The following CYP4F2 variants were observed in gnomAD, a reference collection of about 807,000 sequenced individuals.
CYP4F2 encodes the protein cytochrome P450 4F2.
CYP4F2 carries 58 observed loss-of-function variants against 58.9 expected under a neutral mutation model. That is an observed-to-expected ratio of 0.98 (90% confidence interval 0.80 to 1.23). The LOEUF (loss-of-function observed/expected upper bound fraction) is 1.23, where lower values mean the gene tolerates loss of function less well. CYP4F2 is among the 50% of genes most tolerant of loss of function. The pLI, the probability that CYP4F2 is intolerant of heterozygous loss-of-function variation, is 0.00. For synonymous variants in CYP4F2, 287 were observed against 261.1 expected (o/e 1.10, Z -0.95); for missense variants, 616 against 685.6 (o/e 0.90, Z 1.13).
intron 3 of CYP4F2, 90 bp from the exon 4 acceptor site, chr19:15,892,672 C>A (rs2089424081): frequency 6.5e-7 from 1 of 1,548,682 alleles, no homozygotes; most frequent in Non-Finnish European, 8.7e-7. Flanking sequence ...GAGGTTTGCA[C>A]TTCTCCCACT....
At chr19:15,881,438 T>C (rs2089343919) in intron 9 of CYP4F2, among the ~76,000 whole-genome samples, 1 of 152,034 alleles carries the variant, frequency 6.6e-6, no homozygotes, top group South Asian at 2.1e-4. Flanking sequence ...GATTGATAGA[T>C]GACAGATAAT....
Position 15,879,873 on chromosome 19 carries a change from G to A in CYP4F2, c.1140C>T (p.Phe380=), listed in dbSNP as rs1434882524. The stretch of plus-strand genomic sequence containing the variant: ...GGCTCTCCTTCATGCACATGGTCAG[G>A]AAGGGCAAATGGGCCAGGTCGTCCC... ...IEWDDLAHLP[F]LTMCMKESLR... The change falls in exon 10 of 13, where the codon TTC becomes TTT. Residue 380 remains phenylalanine, a synonymous_variant. Transcript: ENST00000221700. 6.2e-7 allele frequency: 1 copy of A among 1,614,202 alleles called. No homozygotes were observed.
intron 1 of CYP4F2, 128 bp from the exon 2 acceptor site, chr19:15,897,740 A>G (rs772564222): frequency 9.4e-6 from 11 of 1,171,614 alleles, no homozygotes; most frequent in African/African-American, 1.6e-5. Context: ...AGGGATGGGT[A>G]AAAAGGGGCT....
At chr19:15,889,296 T>G in intron 7 of CYP4F2, 127 bp downstream of exon 7, 2 of 1,555,626 alleles carry the variant, frequency 1.3e-6, no homozygotes, top group South Asian at 2.4e-5. Flanking sequence ...CTCTGACCTG[T>G]CCCTCCCTTC....
rs549457333 is a variant in CYP4F2, at chr19:15,894,844, G to A, written c.343+662C>T. Among the ~76,000 whole-genome samples the A allele has an allele frequency of 3.9e-5, 6 of 152,242 alleles. No homozygotes were observed. The East Asian group carries it at 1.2e-3, about 29-fold the overall frequency. The stretch of plus-strand genomic sequence containing the variant: ...GGAGTCTCCTCTTGGAGATCCCCGG[G>A]ACCTGCAGCAGGAGAGCAACGAACT... On this transcript the variant is annotated intron_variant, in intron 3 of 12. Coordinates refer to ENST00000221700, the MANE Select transcript of CYP4F2 (RefSeq NM_001082.5).
At chr19:15,893,069 T>G (rs1346794672) in intron 3 of CYP4F2, among the ~76,000 whole-genome samples, 1 of 152,160 alleles carries the variant, frequency 6.6e-6, no homozygotes, top group East Asian at 1.9e-4. Context: ...GATGGTGTGC[T>G]CTAACATGCA....
chr19:15,878,442 G>A lies in CYP4F2; in HGVS notation c.*329C>T, dbSNP rs2089319176. The A allele has an allele frequency of 3.2e-6, 1 of 308,276 alleles. No homozygotes were observed. The highest frequency in any genetic ancestry group is 6.8e-5 in the South Asian group (1 of 14,762). The allele number at this position is 308,276 out of a possible 1,614,324, so 19.1% of individuals were successfully genotyped here. ...CTTTCATTCAGTATCATGCATTCAAGGTTCATCCACAGTGTAGTAGGGATC... is the reference window on the plus strand; with the variant it reads ...CTTTCATTCAGTATCATGCATTCAAAGTTCATCCACAGTGTAGTAGGGATC... On this transcript the variant is annotated 3_prime_UTR_variant, in exon 13 of 13. Transcript: ENST00000221700.
chr19:15,881,465 GAGAT>G (rs1407285612), intron 9 of CYP4F2, among the ~76,000 whole-genome samples: 15 of 152,168 alleles, frequency 9.9e-5, no homozygotes, highest in Admixed American at 2.6e-4. Context: ...GAGATATAGA[GAGAT>G]AGAGAATAGA....
At chr19:15,880,532 G>T (rs1170217418) in intron 9 of CYP4F2, among the ~76,000 whole-genome samples, 1 of 151,954 alleles carries the variant, frequency 6.6e-6, no homozygotes, top group Non-Finnish European at 1.5e-5. Context: ...GGAGGCTGAG[G>T]CAAGAGAATG....
rs547718447 is a variant in CYP4F2, at chr19:15,896,915, G to T, written c.198+499C>A. ...AACTTTTATCTGGGTTTGGCAACAG[G>T]TCTCATTGATAAGAGGGAGATAAGA... is the stretch of plus-strand genomic sequence containing the variant. On this transcript the variant is annotated intron_variant, in intron 2 of 12. Transcript: ENST00000221700. Among the ~76,000 whole-genome samples, 4 of 152,342 alleles carry T rather than the reference G, an allele frequency of 2.6e-5. No homozygotes were observed. In the East Asian group the frequency reaches 7.7e-4, roughly 29 times the overall value.
rs1373874124 is a variant in CYP4F2 at position 15,878,775 on chromosome 19, C to T, written c.1559G>A (p.Ser520Asn). The T allele has an allele frequency of 3.1e-6, 5 of 1,613,150 alleles. No homozygotes were observed. Among genetic ancestry groups the T allele is most frequent in the African/African-American group, 2.7e-5 (2 of 74,940 alleles). ...GGLWLRVEPL[S>N] ...CAGAGTGGGTCTCTGCAGAACTCAGCTCAGGGGCTCCACCCGCAGCCAAAG... is the reference window on the plus strand; with the variant it reads ...CAGAGTGGGTCTCTGCAGAACTCAGTTCAGGGGCTCCACCCGCAGCCAAAG... Residue 520 changes from serine to asparagine, a missense_variant, in exon 13 of 13, where the codon AGC becomes AAC. By Grantham distance (46) the Ser-to-Asn change is conservative. Coordinates refer to ENST00000221700, the MANE Select transcript of CYP4F2 (RefSeq NM_001082.5).
chr19:15,897,465 C>A lies in CYP4F2; in HGVS notation c.147G>T (p.Arg49=), dbSNP rs376258321. The stretch of plus-strand genomic sequence containing the variant: ...TCCGTCTTGGGGGTTGTGGGAAACA[C>A]CGAAGGCGGCGGCAGTTGTCATAGA... ...YAFYDNCRRL[R]CFPQPPRRNW... Residue 49 remains arginine, a synonymous_variant, in exon 2 of 13, where the codon CGG becomes CGT. Transcript: ENST00000221700. 1.2e-6 allele frequency: 2 copies of A among 1,613,856 alleles called. No individual in the cohort carries two copies. Among genetic ancestry groups the A allele is most frequent in the East Asian group, 4.5e-5 (2 of 44,858 alleles).
At chr19:15,879,165 A>G (rs2089326784) in intron 12 of CYP4F2, among the ~76,000 whole-genome samples, 181 bp downstream of exon 12, 1 of 152,108 alleles carries the variant, frequency 6.6e-6, no homozygotes, top group Admixed American at 6.5e-5. Context: ...TGAGCACACC[A>G]CAGACCCTTC....
Position 15,897,434 on chromosome 19 carries a change from A to T in CYP4F2, c.178T>A (p.Phe60Ile). 6.2e-7 allele frequency: 1 copy of T among 1,612,372 alleles called. No individual in the cohort carries two copies. Among genetic ancestry groups the T allele is most frequent in the Non-Finnish European group, 8.5e-7 (1 of 1,179,542 alleles). ...CTCACCATGCCCTGGTGTCCCCAAA[A>T]CCAGTTCCGTCTTGGGGGTTGTGGG... ...CFPQPPRRNW[F>I]WGHQGMVNPT... The change falls in exon 2 of 13, where the codon TTT becomes ATT. Residue 60 changes from phenylalanine to isoleucine, a missense_variant. Coordinates refer to ENST00000221700, the MANE Select transcript of CYP4F2 (RefSeq NM_001082.5).
At chr19:15,896,383 G>A (rs372581405) in intron 2 of CYP4F2, among the ~76,000 whole-genome samples, 34 of 152,120 alleles carry the variant, frequency 2.2e-4, no homozygotes, top group East Asian at 1.9e-3. Flanking sequence ...GGGAGAAGAC[G>A]CACTGTCCAC....
intron 5 of CYP4F2, 58 bp from the exon 6 acceptor site, chr19:15,890,491 C>A: frequency 6.3e-7 from 1 of 1,599,150 alleles, no homozygotes; most frequent in South Asian, 1.1e-5. Context: ...AGCACCTCTC[C>A]AACCCCAACT....
At chr19:15,881,556 A>T (rs1011984211) in intron 9 of CYP4F2, among the ~76,000 whole-genome samples, 34 of 146,526 alleles carry the variant, frequency 2.3e-4, no homozygotes, top group Non-Finnish European at 4.2e-4. Context: ...AGATACATAG[A>T]TAGATGATGG....
At chr19:15,885,636 G>C (rs774240978) in intron 9 of CYP4F2, among the ~76,000 whole-genome samples, 1 of 146,810 alleles carries the variant, frequency 6.8e-6, no homozygotes, top group Non-Finnish European at 1.5e-5. Context: ...GGGAGGAAAG[G>C]AAGAGAGTGG....
intron 2 of CYP4F2, among the ~76,000 whole-genome samples, chr19:15,896,960 G>A (rs3093111): frequency 0.022 from 3,348 of 152,278 alleles, 108 homozygotes; most frequent in African/African-American, 0.075. Flanking sequence ...TAAGAGAAAG[G>A]TGCCTTCGGG....
Sources: allele counts gnomAD v4.1 joint callset (sites outside exome capture counted in the v4.1 genomes callset), GRCh38; gene constraint gnomAD v4.1.1; transcripts MANE v1.5; gene names NCBI Gene and HGNC (gene_info 2026-07-23, HGNC 2026-07-21).